Variants in PTPRN2 observed in about 807,000 individuals in gnomAD.
PTPRN2 encodes the protein receptor-type tyrosine-protein phosphatase N2.
In PTPRN2, 74 loss-of-function variants were observed where a neutral mutation model predicts 118.8. The observed-to-expected ratio is 0.62, with a 90% CI of 0.52 to 0.76. The LOEUF (loss-of-function observed/expected upper bound fraction) is 0.76. PTPRN2 is among the 30% of genes least tolerant of loss of function. The pLI is 0.00. For missense variants in PTPRN2, 1,481 were observed against 1,394.4 expected, an observed-to-expected ratio of 1.06 and a Z score of -0.99; for synonymous variants, 641 against 608.0, an observed-to-expected ratio of 1.05 and a Z score of -0.80.
chr7:157,639,625 G>A (rs990526293), intron 14 of PTPRN2, among the ~76,000 whole-genome samples: 5 of 152,238 alleles, frequency 3.3e-5, no homozygotes, highest in African/African-American at 9.6e-5. Context: ...GCCTGAAGCC[G>A]CTCAAGCCCT....
chr7:158,333,392 C>T (rs1203943547), intron 2 of PTPRN2, among the ~76,000 whole-genome samples: 1 of 146,034 alleles, frequency 6.8e-6, no homozygotes, highest in Non-Finnish European at 1.5e-5. Flanking sequence ...TAAGAGGTGA[C>T]ACCTGCAGAC....
chr7:157,849,579 G>A (rs547493153), intron 12 of PTPRN2, among the ~76,000 whole-genome samples: 1 of 152,296 alleles, frequency 6.6e-6, no homozygotes. Flanking sequence ...GCATATAACA[G>A]AAAACTTCTG....
intron 12 of PTPRN2, among the ~76,000 whole-genome samples, chr7:157,777,018 T>A (rs969912686): frequency 1.4e-5 from 2 of 146,552 alleles, no homozygotes; most frequent in African/African-American, 5.1e-5. Context: ...CTCCTCCTCT[T>A]CCCTCTCCTC....
chr7:157,764,790 G>A lies in PTPRN2; in HGVS notation c.1789-81853C>T, dbSNP rs1186766353. ...ACTGCGTGCCTGGCATACAGCAGGG[G>A]ACAGGAGCCGATTGTCTGTCCTACA... On this transcript the variant is annotated intron_variant, in intron 12 of 22. Coordinates refer to ENST00000389418, the MANE Select transcript of PTPRN2 (RefSeq NM_002847.5). This position sits in a 1 kb window ranked among gnomAD's most constrained non-coding sequence, Gnocchi z 4.5. 1.1e-4 allele frequency among the ~76,000 whole-genome samples: 16 copies of A among 152,104 alleles called. No homozygotes were observed. The highest frequency in any genetic ancestry group is 7.4e-5 in the Non-Finnish European group (5 of 68,020).
intron 3 of PTPRN2, among the ~76,000 whole-genome samples, chr7:158,248,920 A>C (rs1342663136): frequency 1.4e-5 from 2 of 145,316 alleles, no homozygotes; most frequent in African/African-American, 5.1e-5. Flanking sequence ...TACACCACAC[A>C]GTGCACACAT....
intron 2 of PTPRN2, among the ~76,000 whole-genome samples, chr7:158,417,104 G>A (rs549968142): frequency 6.6e-6 from 1 of 152,102 alleles, no homozygotes; most frequent in South Asian, 2.1e-4. Context: ...TTAAGTTGTG[G>A]TGTACTACAT....
At chr7:158,062,581 C>T (rs954717300) in intron 11 of PTPRN2, among the ~76,000 whole-genome samples, 1 of 151,098 alleles carries the variant, frequency 6.6e-6, no homozygotes, top group Non-Finnish European at 1.5e-5. Flanking sequence ...GGGAGAGGCA[C>T]AGGCAGGAAC....
intron 11 of PTPRN2, among the ~76,000 whole-genome samples, chr7:158,019,985 C>T (rs927138133): frequency 1.8e-4 from 28 of 152,342 alleles, no homozygotes; most frequent in Admixed American, 2.0e-4. Flanking sequence ...CGCGGTCCTG[C>T]TCCAAACCAC....
intron 11 of PTPRN2, among the ~76,000 whole-genome samples, chr7:158,038,078 C>T (rs1808208896): frequency 6.6e-6 from 1 of 152,176 alleles, no homozygotes; most frequent in African/African-American, 2.4e-5. Context: ...ACAGCACAGT[C>T]AACAGGCTCT....
chr7:158,026,404 C>G (rs28624698), intron 11 of PTPRN2, among the ~76,000 whole-genome samples: 2 of 152,230 alleles, frequency 1.3e-5, no homozygotes, highest in East Asian at 3.9e-4. Flanking sequence ...GTCCACTGGC[C>G]GAGGACGGGC....
chr7:158,061,878 G>A (rs572932054), intron 11 of PTPRN2, among the ~76,000 whole-genome samples: 11 of 152,352 alleles, frequency 7.2e-5, no homozygotes, highest in African/African-American at 2.4e-4. Flanking sequence ...CTTTTTTGAT[G>A]AGCAAAAATG....
At chr7:157,731,280 A>G (rs565244072) in intron 12 of PTPRN2, among the ~76,000 whole-genome samples, 1 of 152,314 alleles carries the variant, frequency 6.6e-6, no homozygotes, top group Non-Finnish European at 1.5e-5. Flanking sequence ...GGTCTGCACC[A>G]GGCAGAAAGC....
intron 1 of PTPRN2, among the ~76,000 whole-genome samples, chr7:158,540,437 A>T (rs1314979186): frequency 6.6e-6 from 1 of 151,672 alleles, no homozygotes; most frequent in African/African-American, 2.4e-5. Flanking sequence ...CCAGCTAGAG[A>T]GTCTATAAAT....
intron 11 of PTPRN2, among the ~76,000 whole-genome samples, chr7:158,000,531 C>T (rs991429137): frequency 3.7e-5 from 5 of 133,920 alleles, no homozygotes; most frequent in African/African-American, 1.1e-4. Flanking sequence ...CCTGACATTT[C>T]GGCTTTGAGG....
Position 157,763,911 on chromosome 7 carries a change from T to C in PTPRN2, c.1789-80974A>G, listed in dbSNP as rs1027055888. 1.3e-5 allele frequency among the ~76,000 whole-genome samples: 2 copies of C among 152,068 alleles called. No individual in the cohort carries two copies. Among genetic ancestry groups the C allele is most frequent in the African/African-American group, 4.8e-5 (2 of 41,392 alleles). On this transcript the variant is annotated intron_variant, in intron 12 of 22. Transcript: ENST00000389418. The surrounding 1 kb of genome is among the most constrained non-coding windows in gnomAD (Gnocchi z 4.9). ...TTGTTTTCAGAGAAGCAACAACACC[T>C]CATATTCAGTCTAACCTGTGACCAT... is the stretch of plus-strand genomic sequence containing the variant.
At chr7:157,570,022 C>T (rs746258881) in intron 20 of PTPRN2, among the ~76,000 whole-genome samples, 11 of 152,332 alleles carry the variant, frequency 7.2e-5, no homozygotes, top group Non-Finnish European at 1.6e-4. Flanking sequence ...AAAGAATCAG[C>T]GCATTTTGGC....
At chr7:158,407,212 T>C (rs1360546904) in intron 2 of PTPRN2, among the ~76,000 whole-genome samples, 3,032 of 23,246 alleles carry the variant, frequency 0.13, 155 homozygotes, top group East Asian at 0.23. Context: ...TCCTGGGTCC[T>C]GCGTCCTGCG....
chr7:157,752,548 C>T (rs1801540778), intron 12 of PTPRN2, among the ~76,000 whole-genome samples: 1 of 152,170 alleles, frequency 6.6e-6, no homozygotes, highest in African/African-American at 2.4e-5. Flanking sequence ...TCTTCTGCTT[C>T]CCTGTTTCCA....
Position 157,986,748 on chromosome 7 carries a change from C to A in PTPRN2, c.1724-88011G>T, listed in dbSNP as rs2128838615. On this transcript the variant is annotated intron_variant, in intron 11 of 22. Coordinates refer to ENST00000389418, the MANE Select transcript of PTPRN2 (RefSeq NM_002847.5). This position sits in a 1 kb window ranked among gnomAD's most constrained non-coding sequence, Gnocchi z 4.5. ...TCTGCCCTTGGAAGAACTAATGAAA[C>A]CCAAGGACCATCCAGTTGGCAGGAC... Among the ~76,000 whole-genome samples, 1 of 152,258 alleles carries A rather than the reference C, an allele frequency of 6.6e-6. No homozygotes were observed. Among genetic ancestry groups the A allele is most frequent in the African/African-American group, 2.4e-5 (1 of 41,548 alleles).
Sources: allele counts gnomAD v4.1 joint callset (sites outside exome capture counted in the v4.1 genomes callset), GRCh38; gene constraint gnomAD v4.1.1; non-coding constraint Gnocchi (gnomAD v3.1); transcripts MANE v1.5; gene names NCBI Gene and HGNC (gene_info 2026-07-23, HGNC 2026-07-21).